The following SDAD1 variants were observed in gnomAD, a reference collection of about 807,000 sequenced individuals.
The protein encoded by SDAD1 is SDA1 domain containing 1.
SDAD1 carries 79 observed loss-of-function variants against 100.3 expected under a neutral mutation model. The observed-to-expected ratio is 0.79, with a 90% CI of 0.66 to 0.95. The LOEUF is 0.95. SDAD1 is among the 40% of genes least tolerant of loss of function. The probability of loss-of-function intolerance (pLI) is 0.00; values close to 1 mark genes in which losing one functional copy is unlikely to be tolerated. For missense variants in SDAD1, 790 were observed against 810.9 expected, an observed-to-expected ratio of 0.97 and a Z score of 0.31; for synonymous variants, 267 against 271.4, an observed-to-expected ratio of 0.98 and a Z score of 0.16.
At chr4:75,972,178 T>C (rs1431532005) in intron 8 of SDAD1, among the ~76,000 whole-genome samples, 1 of 152,064 alleles carries the variant, frequency 6.6e-6, no homozygotes, top group Non-Finnish European at 1.5e-5. Context: ...CCTCAAGTGA[T>C]CTGCCCGCCT....
chr4:75,964,148 C>CT lies in SDAD1; in HGVS notation c.1167dup (p.Val390SerfsTer22). ...GATTCTACATACCCTACTGTCATGA[C>CT]TTCTCCAGAGTTCTTGTCGGTAACA... On this transcript the variant is annotated frameshift_variant, in exon 14 of 22. Transcript: ENST00000356260. LOFTEE classifies it high-confidence loss of function. 6.2e-7 allele frequency: 1 copy of CT among 1,609,918 alleles called. No homozygotes were observed. Among genetic ancestry groups the CT allele is most frequent in the East Asian group, 2.2e-5 (1 of 44,744 alleles).
At chr4:75,971,312 T>C (rs1409520639) in intron 9 of SDAD1, 45 bp downstream of exon 9, 2 of 1,310,136 alleles carry the variant, frequency 1.5e-6, no homozygotes, top group South Asian at 2.4e-5. Context: ...CAACATATTC[T>C]TCACTCTAAT....
intron 16 of SDAD1, among the ~76,000 whole-genome samples, chr4:75,960,412 G>A (rs1729165157): frequency 1.3e-5 from 2 of 152,082 alleles, no homozygotes; most frequent in African/African-American, 2.4e-5. Flanking sequence ...TAGTAGTTGG[G>A]ACTACAGGCA....
At chr4:75,976,125 C>CTCTATT in intron 4 of SDAD1, 130 bp from the exon 5 acceptor site, 1 of 601,678 alleles carries the variant, frequency 1.7e-6, no homozygotes. Context: ...CCAAAAGAAA[C>CTCTATT]CCAAACCAAG....
Position 75,960,895 on chromosome 4 carries a change from G to T in SDAD1, c.1356+133C>A, listed in dbSNP as rs79631674. 1.8e-3 allele frequency: 1,334 copies of T among 744,928 alleles called. 27 individuals carry two copies. In the African/African-American group the frequency reaches 0.021, roughly 11 times the overall value. The allele number at this position is 744,928 out of a possible 1,614,324, so 46.1% of individuals were successfully genotyped here. A position where few individuals can be genotyped will look rare whatever the true frequency, so the allele number is the denominator to read the frequency against. Reference sequence around the variant, plus strand: ...CATGGTATTTGATTCCAAGCTTAAAGAATACAACCGTGTGCATCATAACCA... The same window carrying T: ...CATGGTATTTGATTCCAAGCTTAAATAATACAACCGTGTGCATCATAACCA... On this transcript the variant is annotated intron_variant, in intron 16 of 21. Coordinates refer to ENST00000356260, the MANE Select transcript of SDAD1 (RefSeq NM_018115.4).
In SDAD1 at chr4:75,981,397, G is replaced by A; in HGVS notation, c.269C>T (p.Thr90Ile). The change falls in exon 3 of 22, where the codon ACC (threonine) becomes ATC (isoleucine). Residue 90 changes from threonine to isoleucine, a missense_variant. Transcript: ENST00000356260. ...EVKDLLSCNH[T>I]VLDPDLRMTF... is the part of the protein sequence containing the mutation. ...CATTCGCAGATCTGGATCCAATACG[G>A]TATGATTGCAGGAGAGAAGATCTTT... 6.2e-7 allele frequency: 1 copy of A among 1,613,850 alleles called. No individual in the cohort carries two copies. The highest frequency in any genetic ancestry group is 1.1e-5 in the South Asian group (1 of 91,080).
intron 4 of SDAD1, 77 bp from the exon 5 acceptor site, chr4:75,976,072 G>T: frequency 1.2e-6 from 1 of 844,004 alleles, no homozygotes. Context: ...AGAACAGTAT[G>T]AATGTACAGG....
intron 17 of SDAD1, 39 bp downstream of exon 17, chr4:75,960,027 G>T (rs758736411): frequency 6.3e-7 from 1 of 1,587,350 alleles, no homozygotes; most frequent in Non-Finnish European, 8.5e-7. Context: ...GATACTGCAG[G>T]AGTGTTTTGC....
intron 6 of SDAD1, among the ~76,000 whole-genome samples, chr4:75,975,123 TAAAC>T (rs1289997234): frequency 1.3e-5 from 2 of 151,964 alleles, no homozygotes; most frequent in Non-Finnish European, 2.9e-5. Context: ...AAATTCACAT[TAAAC>T]AAAAAAGACT....
Position 75,964,682 on chromosome 4 carries a change from C to T in SDAD1, c.1105-471G>A, listed in dbSNP as rs188692456. On this transcript the variant is annotated intron_variant, in intron 13 of 21. Transcript: ENST00000356260. ...CCTTGTTGTGGGAAGTCAGAGACCC[C>T]GAATGGAGGAACCAGCTGAAGCCAT... 9.2e-5 allele frequency among the ~76,000 whole-genome samples: 14 copies of T among 152,166 alleles called. No homozygotes were observed. In the East Asian group the frequency reaches 2.7e-3, roughly 29 times the overall value.
rs1728557596 is a variant in SDAD1 at position 75,950,245 on chromosome 4, A to G, written c.*505T>C. On this transcript the variant is annotated 3_prime_UTR_variant, in exon 22 of 22. Coordinates refer to ENST00000356260, the MANE Select transcript of SDAD1 (RefSeq NM_018115.4). ...TCAGCAGGAAAGCCTATGTACAAGT[A>G]AGAACCTCTTACTCTTGTAACATTG... is the stretch of plus-strand genomic sequence containing the variant. The G allele has an allele frequency of 6.5e-6, 1 of 152,814 alleles. No individual in the cohort carries two copies. The highest frequency in any genetic ancestry group is 2.4e-5 in the African/African-American group (1 of 41,424). 9.5% of individuals were successfully genotyped at this position (152,814 alleles called of 1,614,324 possible). A position where few individuals can be genotyped will look rare whatever the true frequency, so the allele number is the denominator to read the frequency against.
intron 6 of SDAD1, 42 bp from the exon 7 acceptor site, chr4:75,974,175 T>C (rs1188215813): frequency 6.6e-7 from 1 of 1,522,004 alleles, no homozygotes; most frequent in Non-Finnish European, 9.1e-7. Context: ...ATTTTCATTC[T>C]ACTGTATTTC....
At chr4:75,982,704 T>G (rs954322143) in intron 1 of SDAD1, among the ~76,000 whole-genome samples, 8 of 151,998 alleles carry the variant, frequency 5.3e-5, no homozygotes, top group African/African-American at 1.7e-4. Context: ...TGCAGAGCAC[T>G]CAAATCAGCA....
intron 1 of SDAD1, among the ~76,000 whole-genome samples, chr4:75,983,030 G>C (rs1344722780): frequency 6.6e-6 from 1 of 151,872 alleles, no homozygotes; most frequent in Non-Finnish European, 1.5e-5. Context: ...ACTTATGAGT[G>C]AGAACATGCG....
intron 4 of SDAD1, among the ~76,000 whole-genome samples, chr4:75,977,251 G>T (rs1036237642): frequency 4.6e-5 from 7 of 152,240 alleles, no homozygotes; most frequent in Admixed American, 2.0e-4. Flanking sequence ...TAGCCAGCCA[G>T]TATGGTGCAG....
chr4:75,986,080 GT>G (rs1730874897), intron 1 of SDAD1, among the ~76,000 whole-genome samples: 1 of 152,130 alleles, frequency 6.6e-6, no homozygotes, highest in South Asian at 2.1e-4. Context: ...GCTGAACATG[GT>G]TGGAGAAAAT....
Position 75,957,426 on chromosome 4 carries a change from A to G in SDAD1, c.1770-17T>C, listed in dbSNP as rs762497387. 1.9e-6 allele frequency: 3 copies of G among 1,613,500 alleles called. No homozygotes were observed. Among genetic ancestry groups the G allele is most frequent in the Non-Finnish European group, 1.7e-6 (2 of 1,179,560 alleles). On this transcript the variant is annotated splice_polypyrimidine_tract_variant and intron_variant, in intron 19 of 21. Coordinates refer to ENST00000356260, the MANE Select transcript of SDAD1 (RefSeq NM_018115.4). ...AATTCACCCCTGGGGTGAGGGAAAAATAACACATGAAACAAGAATGGAATT... is the reference window on the plus strand; with the variant it reads ...AATTCACCCCTGGGGTGAGGGAAAAGTAACACATGAAACAAGAATGGAATT...
intron 11 of SDAD1, 96 bp from the exon 12 acceptor site, chr4:75,967,430 C>A: frequency 7.1e-6 from 8 of 1,118,998 alleles, no homozygotes; most frequent in Non-Finnish European, 1.1e-5. Flanking sequence ...CAACTAATTG[C>A]AGAACACTTT....
At chr4:75,974,055 C>G (rs759697375) in intron 7 of SDAD1, 21 bp downstream of exon 7, 1 of 1,608,678 alleles carries the variant, frequency 6.2e-7, no homozygotes, top group East Asian at 2.2e-5. Flanking sequence ...AGAGCTTACA[C>G]ACAGCCCTAT....
Sources: allele counts gnomAD v4.1 joint callset (sites outside exome capture counted in the v4.1 genomes callset), GRCh38; gene constraint gnomAD v4.1.1; transcripts MANE v1.5; gene names NCBI Gene and HGNC (gene_info 2026-07-23, HGNC 2026-07-21).